Variants in GALNT1 observed in about 807,000 individuals in gnomAD.
The protein encoded by GALNT1 is GalNAc transferase 1.
In GALNT1, 17 loss-of-function variants were observed where a neutral mutation model predicts 65.7. The observed-to-expected ratio is 0.26, with a 90% confidence interval of 0.18 to 0.39. The LOEUF is 0.39. Among genes scored for constraint, GALNT1 ranks in the 10% least tolerant of loss-of-function variants. The pLI is 1.00. For synonymous variants in GALNT1, 210 were observed against 219.7 expected, an observed-to-expected ratio of 0.96 and a Z score of 0.39; for missense variants, 460 against 672.8, an observed-to-expected ratio of 0.68 and a Z score of 3.50.
chr18:35,677,473 C>G, intron 3 of GALNT1, 118 bp from the exon 4 acceptor site: 1 of 623,164 alleles, frequency 1.6e-6, no homozygotes, highest in Non-Finnish European at 2.6e-6. Flanking sequence ...GAAAAGGTAC[C>G]AAGGATCCCA....
chr18:35,675,795 TTGTA>T (rs1342491972), intron 3 of GALNT1, among the ~76,000 whole-genome samples: 1 of 152,176 alleles, frequency 6.6e-6, no homozygotes, highest in Non-Finnish European at 1.5e-5. Flanking sequence ...GGAAAAGAGA[TTGTA>T]TGTGTGGCAT....
chr18:35,696,739 A>G (rs183513623), intron 9 of GALNT1, among the ~76,000 whole-genome samples: 1 of 152,364 alleles, frequency 6.6e-6, no homozygotes, highest in African/African-American at 2.4e-5. Flanking sequence ...ACACAAATAA[A>G]TGGTTTAAAA....
intron 3 of GALNT1, among the ~76,000 whole-genome samples, chr18:35,666,251 G>A (rs1458238049): frequency 6.6e-6 from 1 of 152,178 alleles, no homozygotes; most frequent in Non-Finnish European, 1.5e-5. Context: ...ACATGGCTTA[G>A]CCATGAATAA....
chr18:35,618,258 C>T (rs1015508635), intron 1 of GALNT1, among the ~76,000 whole-genome samples: 5 of 152,004 alleles, frequency 3.3e-5, no homozygotes, highest in Non-Finnish European at 5.9e-5. Flanking sequence ...ATCTTGTATT[C>T]ATTAAAAAGT....
chr18:35,640,759 T>A (rs1408659778), intron 1 of GALNT1, among the ~76,000 whole-genome samples: 2 of 152,106 alleles, frequency 1.3e-5, no homozygotes, highest in Non-Finnish European at 2.9e-5. Context: ...TAGAAGAGAA[T>A]ATGGAAACCC....
At chr18:35,686,201 T>G (rs2047864983) in intron 5 of GALNT1, among the ~76,000 whole-genome samples, 1 of 152,170 alleles carries the variant, frequency 6.6e-6, no homozygotes, top group Admixed American at 6.5e-5. Context: ...TATCAAAAGA[T>G]TTACTGAAAT....
chr18:35,672,902 C>G (rs990688000), intron 3 of GALNT1, among the ~76,000 whole-genome samples: 1 of 152,068 alleles, frequency 6.6e-6, no homozygotes, highest in Non-Finnish European at 1.5e-5. Context: ...GTAATGTGCT[C>G]AGTTTACAAA....
In GALNT1 at chr18:35,703,568, C is replaced by T. The variant is rs1176825371; in HGVS notation, c.1458C>T (p.Ser486=). ...CAGATGACCTTTGCTTGGATGTTTCCAAACTTAATGGCCCAGTTACAATGC... is the reference window on the plus strand; with the variant it reads ...CAGATGACCTTTGCTTGGATGTTTCTAAACTTAATGGCCCAGTTACAATGC... The part of the protein sequence containing the change: ...IRTDDLCLDV[S]KLNGPVTMLK... Residue 486 remains serine (S), a synonymous_variant, in exon 11 of 12, where the codon TCC becomes TCT. Coordinates refer to ENST00000269195, the MANE Select transcript of GALNT1 (RefSeq NM_020474.4). The T allele has an allele frequency of 6.2e-7, 1 of 1,613,888 alleles. No homozygotes were observed. The highest frequency in any genetic ancestry group is 8.5e-7 in the Non-Finnish European group (1 of 1,179,894).
At chr18:35,619,183 A>G (rs1326430476) in intron 1 of GALNT1, among the ~76,000 whole-genome samples, 2 of 152,158 alleles carry the variant, frequency 1.3e-5, no homozygotes, top group African/African-American at 4.8e-5. Flanking sequence ...ACATGCTAAT[A>G]TATGTTTTGT....
At chr18:35,650,598 C>A (rs182055202) in intron 1 of GALNT1, among the ~76,000 whole-genome samples, 138 of 152,230 alleles carry the variant, frequency 9.1e-4, no homozygotes, top group Middle Eastern at 3.4e-3. Context: ...CCAAAGCGGC[C>A]ATTTCAGAGA....
At chr18:35,668,906 A>G (rs1263592464) in intron 3 of GALNT1, among the ~76,000 whole-genome samples, 1 of 152,196 alleles carries the variant, frequency 6.6e-6, no homozygotes, top group Non-Finnish European at 1.5e-5. Flanking sequence ...GAGAAAAGAA[A>G]GTATAAGTTC....
chr18:35,685,561 GGAA>G (rs1408394126), intron 5 of GALNT1, among the ~76,000 whole-genome samples: 1 of 151,332 alleles, frequency 6.6e-6, no homozygotes, highest in African/African-American at 2.4e-5. Context: ...AAAAAGATGT[GGAA>G]GAAGATGTTA....
In GALNT1 at chr18:35,581,742, T is replaced by G. The variant is rs1325316154; in HGVS notation, c.-224T>G. 1 of 434 alleles carries G rather than the reference T, an allele frequency of 2.3e-3. No individual in the cohort carries two copies. Among genetic ancestry groups the G allele is most frequent in the Non-Finnish European group, 6.3e-3 (1 of 158 alleles). The allele number at this position is 434 out of a possible 1,614,324, so 0.0% of individuals were successfully genotyped here. On this transcript the variant is annotated 5_prime_UTR_variant, in exon 1 of 12. Coordinates refer to ENST00000269195, the MANE Select transcript of GALNT1 (RefSeq NM_020474.4). ...CGCCCGCCGGGGGAGCCGCCGGCAG[T>G]GGCCGAGGAGCGCGCGGCGGACGGC...
intron 4 of GALNT1, among the ~76,000 whole-genome samples, chr18:35,679,147 C>G (rs975549167): frequency 6.6e-6 from 1 of 152,120 alleles, no homozygotes; most frequent in Non-Finnish European, 1.5e-5. Flanking sequence ...TGTGGATAAT[C>G]TATTTGCTAG....
At chr18:35,625,930 A>T (rs2046911212) in intron 1 of GALNT1, among the ~76,000 whole-genome samples, 1 of 152,156 alleles carries the variant, frequency 6.6e-6, no homozygotes, top group Non-Finnish European at 1.5e-5. Context: ...ACTCTTTAGC[A>T]TGATAGTTAA....
intron 9 of GALNT1, among the ~76,000 whole-genome samples, chr18:35,694,621 T>C (rs2048024404): frequency 1.3e-5 from 2 of 152,220 alleles, no homozygotes; most frequent in South Asian, 4.1e-4. Context: ...GAAGAGTTAC[T>C]TTTACTTACA....
In GALNT1 at chr18:35,683,411, G is replaced by A. The variant is rs754020126; in HGVS notation, c.502G>A (p.Glu168Lys). The change falls in exon 5 of 12, where the codon GAG becomes AAG. Residue 168 changes from glutamate to lysine, a missense_variant. Transcript: ENST00000269195. Reference protein sequence around the residue: ...SERDFLKRPLESYVKKLKVPV... With the variant: ...SERDFLKRPLKSYVKKLKVPV... ...TCCAGACTTTTTGAAAAGGCCTTTA[G>A]AGAGTTATGTGAAAAAACTAAAAGT... The A allele has an allele frequency of 6.2e-7, 1 of 1,613,290 alleles. No homozygotes were observed. The highest frequency in any genetic ancestry group is 8.5e-7 in the Non-Finnish European group (1 of 1,179,538).
chr18:35,584,070 A>G (rs73418845), intron 1 of GALNT1, among the ~76,000 whole-genome samples: 1,704 of 152,194 alleles, frequency 0.011, 33 homozygotes, highest in African/African-American at 0.038. Flanking sequence ...ACTACATTGT[A>G]TTTTGACATC....
At chr18:35,669,697 T>C (rs1215952632) in intron 3 of GALNT1, among the ~76,000 whole-genome samples, 2 of 152,168 alleles carry the variant, frequency 1.3e-5, no homozygotes, top group Admixed American at 6.5e-5. Flanking sequence ...AAAAGATTTC[T>C]AGAAAAACAA....
Sources: allele counts gnomAD v4.1 joint callset (sites outside exome capture counted in the v4.1 genomes callset), GRCh38; gene constraint gnomAD v4.1.1; transcripts MANE v1.5; gene names NCBI Gene and HGNC (gene_info 2026-07-23, HGNC 2026-07-21).